The following ATF7IP variants were observed in gnomAD, a reference collection of about 807,000 sequenced individuals.
The protein encoded by ATF7IP is activating transcription factor 7 interacting protein, also known as activating transcription factor 7-interacting protein 1.
In ATF7IP, 23 loss-of-function variants were observed where a neutral mutation model predicts 106.4. That is an observed-to-expected ratio of 0.22 (90% CI 0.16 to 0.31). ATF7IP has a LOEUF of 0.31. Among genes scored for constraint, ATF7IP ranks in the 10% least tolerant of loss-of-function variants. ATF7IP has a pLI of 1.00. For missense variants in ATF7IP, 1,334 were observed against 1,524.3 expected, an observed-to-expected ratio of 0.88 and a Z score of 2.08; for synonymous variants, 542 against 539.0, an observed-to-expected ratio of 1.01 and a Z score of -0.08.
chr12:14,434,279 A>G, intron 2 of ATF7IP, 58 bp from the exon 3 acceptor site: 1 of 1,022,378 alleles, frequency 9.8e-7, no homozygotes, highest in Non-Finnish European at 1.5e-6. Flanking sequence ...AATGTAAATT[A>G]GTGAGCTGTT....
intron 1 of ATF7IP, among the ~76,000 whole-genome samples, chr12:14,375,939 G>T (rs1400569401): frequency 6.6e-6 from 1 of 152,158 alleles, no homozygotes; most frequent in African/African-American, 2.4e-5. Flanking sequence ...ACTTGGAAAG[G>T]TCGGTTTCAT....
In ATF7IP at chr12:14,500,235, AG is replaced by A. The variant is rs1945126147; in HGVS notation, c.*2163del. ...GATGGCTTATAATAGGAAGTATTCT[AG>A]TTGTAAAGAAAACTCTTTAGAGACT... is the stretch of plus-strand genomic sequence containing the variant. On this transcript the variant is annotated 3_prime_UTR_variant, in exon 15 of 15. Transcript: ENST00000261168. 2.6e-5 allele frequency: 4 copies of A among 152,208 alleles called. No homozygotes were observed. Among genetic ancestry groups the A allele is most frequent in the Non-Finnish European group, 5.9e-5 (4 of 68,034 alleles). The allele number at this position is 152,208 out of a possible 1,614,324, so 9.4% of individuals were successfully genotyped here. A position where few individuals can be genotyped will look rare whatever the true frequency, so the allele number is the denominator to read the frequency against.
At chr12:14,417,001 T>G in intron 1 of ATF7IP, 3 of 933,530 alleles carry the variant, frequency 3.2e-6, no homozygotes, top group Non-Finnish European at 3.8e-6. Flanking sequence ...GAAATGAGGT[T>G]TATTTTTAAA....
chr12:14,398,323 C>T (rs1389955952), intron 1 of ATF7IP, among the ~76,000 whole-genome samples: 4 of 149,924 alleles, frequency 2.7e-5, no homozygotes, highest in Non-Finnish European at 4.4e-5. Context: ...AGCTGATTTC[C>T]CTAGGTTGTA....
At chr12:14,391,996 C>T (rs1356257180) in intron 1 of ATF7IP, among the ~76,000 whole-genome samples, 1 of 151,998 alleles carries the variant, frequency 6.6e-6, no homozygotes, top group Non-Finnish European at 1.5e-5. Flanking sequence ...GCTGGGATTA[C>T]AGGTGTGAGC....
At chr12:14,496,611 C>A (rs993932556) in intron 14 of ATF7IP, among the ~76,000 whole-genome samples, 1 of 152,056 alleles carries the variant, frequency 6.6e-6, no homozygotes, top group Non-Finnish European at 1.5e-5. Context: ...AAATATAGAC[C>A]ATTTCTAATT....
intron 13 of ATF7IP, among the ~76,000 whole-genome samples, chr12:14,490,212 C>T (rs1182904556): frequency 2.0e-5 from 3 of 152,180 alleles, no homozygotes; most frequent in South Asian, 2.1e-4. Context: ...GGATAGAGGC[C>T]GAATGGTGTC....
intron 1 of ATF7IP, chr12:14,408,463 C>T (rs1313273618): frequency 2.6e-5 from 4 of 152,122 alleles, no homozygotes; most frequent in African/African-American, 2.4e-5. Context: ...TATTAGCCAA[C>T]CACAGTGACT....
rs1941757920 is a variant in ATF7IP, at chr12:14,424,951, G to A, written c.1036G>A (p.Asp346Asn). 6.2e-7 allele frequency: 1 copy of A among 1,606,940 alleles called. No homozygotes were observed. Among genetic ancestry groups the A allele is most frequent in the Non-Finnish European group, 8.5e-7 (1 of 1,178,292 alleles). ...DEKNKADNNI[D>N]ANEETLETDD... The stretch of plus-strand genomic sequence containing the variant: ...GAAAAATAAAGCTGATAATAATATT[G>A]ATGCTAATGAAGAAACTCTAGAAAC... Residue 346 changes from aspartate (D) to asparagine (N), a missense_variant, in exon 2 of 15, where the codon GAT becomes AAT. Physicochemically the swap from Asp to Asn is conservative, Grantham distance 23. Transcript: ENST00000261168.
Position 14,448,764 on chromosome 12 carries a change from A to G in ATF7IP, c.1995+1711A>G, listed in dbSNP as rs1224508319. 2.0e-5 allele frequency among the ~76,000 whole-genome samples: 3 copies of G among 152,174 alleles called. No homozygotes were observed. In the East Asian group the frequency reaches 5.8e-4, roughly 29 times the overall value. On this transcript the variant is annotated intron_variant, in intron 6 of 14. Transcript: ENST00000261168. The stretch of plus-strand genomic sequence containing the variant: ...ATAGAGGCTGCACCATTTCACATTT[A>G]TACCAGTAGTGCTCAAGAGTTCCAG...
chr12:14,456,687 C>A, intron 7 of ATF7IP, 53 bp downstream of exon 7: 2 of 1,288,874 alleles, frequency 1.6e-6, no homozygotes, highest in African/African-American at 1.5e-5. Flanking sequence ...GTTCTACTTT[C>A]TTTATTTGGT....
intron 1 of ATF7IP, among the ~76,000 whole-genome samples, chr12:14,378,246 T>C (rs1245381389): frequency 6.6e-6 from 1 of 151,874 alleles, no homozygotes; most frequent in Non-Finnish European, 1.5e-5. Context: ...TACAGGCACA[T>C]GCCACCACGC....
intron 5 of ATF7IP, 42 bp from the exon 6 acceptor site, chr12:14,446,946 T>G: frequency 6.9e-7 from 1 of 1,448,528 alleles, no homozygotes; most frequent in Admixed American, 2.3e-5. Flanking sequence ...GCTGTAATAC[T>G]ATTTGATTTC....
At chr12:14,492,275 G>T (rs1298604443) in intron 13 of ATF7IP, among the ~76,000 whole-genome samples, 1 of 152,158 alleles carries the variant, frequency 6.6e-6, no homozygotes, top group Non-Finnish European at 1.5e-5. Flanking sequence ...GATGCTTTGG[G>T]TCTCCTGGGA....
chr12:14,386,852 T>C (rs1948599540), intron 1 of ATF7IP, among the ~76,000 whole-genome samples: 1 of 152,188 alleles, frequency 6.6e-6, no homozygotes, highest in Non-Finnish European at 1.5e-5. Context: ...TTCTAGAATG[T>C]GTCTTCGTTA....
rs1006817689 is a variant in ATF7IP at position 14,481,080 on chromosome 12, A to G, written c.3175A>G (p.Asn1059Asp). The change falls in exon 13 of 15, where the codon AAC becomes GAC. Residue 1059 changes from asparagine to aspartate, a missense_variant. Coordinates refer to ENST00000261168, the MANE Select transcript of ATF7IP (RefSeq NM_018179.5). ...TRLPVPRAPA[N>D]HQVVYTTLPA... ...ACTCCCTGTACCAAGAGCTCCTGCA[A>G]ACCACCAGGTGGTTTATACAACTCT... 3.7e-6 allele frequency: 6 copies of G among 1,613,934 alleles called. No homozygotes were observed. In the African/African-American group the frequency reaches 8.0e-5, roughly 22 times the overall value.
rs767910477 is a variant in ATF7IP at position 14,425,134 on chromosome 12, G to C, written c.1219G>C (p.Val407Leu). The change falls in exon 2 of 15, where the codon GTA becomes CTA. Residue 407 changes from valine to leucine, a missense_variant. Coordinates refer to ENST00000261168, the MANE Select transcript of ATF7IP (RefSeq NM_018179.5). ...TGAAGATGAAACTTCTGCAGATCTT[G>C]TAGAAACGATTAATGAAAATGTTAT... The part of the protein sequence containing the change: ...KNEDETSADL[V>L]ETINENVIED... The C allele has an allele frequency of 6.3e-7, 1 of 1,592,866 alleles. No individual in the cohort carries two copies. Among genetic ancestry groups the C allele is most frequent in the Admixed American group, 1.9e-5 (1 of 54,046 alleles).
At chr12:14,425,811 T>G (rs1469310740) in intron 2 of ATF7IP, among the ~76,000 whole-genome samples, 2 of 152,200 alleles carry the variant, frequency 1.3e-5, no homozygotes, top group Non-Finnish European at 2.9e-5. Context: ...TGCTATCACT[T>G]AGCGAACAAA....
At chr12:14,476,999 A>T (rs1034468831) in intron 11 of ATF7IP, among the ~76,000 whole-genome samples, 1 of 152,160 alleles carries the variant, frequency 6.6e-6, no homozygotes, top group Admixed American at 6.6e-5. Flanking sequence ...TTACTATGCT[A>T]ATTTATAATG....
Sources: allele counts gnomAD v4.1 joint callset (sites outside exome capture counted in the v4.1 genomes callset), GRCh38; gene constraint gnomAD v4.1.1; transcripts MANE v1.5; gene names NCBI Gene and HGNC (gene_info 2026-07-23, HGNC 2026-07-21).